Variants in ACACB observed in about 807,000 individuals in gnomAD.
ACACB encodes acetyl-CoA carboxylase 2.
Under a neutral mutation model 278.8 loss-of-function variants are expected in ACACB, and 209 were observed. The observed-to-expected ratio is 0.75, with a 90% CI of 0.67 to 0.84. The LOEUF is 0.84. Ranked by LOEUF, ACACB falls within the 40% of genes least tolerant of loss-of-function variation. ACACB has a pLI of 0.00. For synonymous variants in ACACB, 1,174 were observed against 1,285.6 expected, an observed-to-expected ratio of 0.91 and a Z score of 1.86; for missense variants, 2,850 against 3,269.0, an observed-to-expected ratio of 0.87 and a Z score of 3.13.
intron 2 of ACACB, among the ~76,000 whole-genome samples, chr12:109,166,181 T>C (rs2043888446): frequency 6.6e-6 from 1 of 152,142 alleles, no homozygotes; most frequent in Non-Finnish European, 1.5e-5. Context: ...ATTAATACCA[T>C]GTAACAAGTC....
chr12:109,217,996 G>A (rs1348920957), intron 24 of ACACB, among the ~76,000 whole-genome samples: 1 of 152,156 alleles, frequency 6.6e-6, no homozygotes, highest in East Asian at 1.9e-4. Flanking sequence ...ACAGCTCTTT[G>A]GCAGAGCACA....
chr12:109,231,975 G>A (rs558683040), intron 28 of ACACB, among the ~76,000 whole-genome samples: 8 of 152,328 alleles, frequency 5.3e-5, no homozygotes, highest in East Asian at 3.9e-4. Context: ...TTCAGGGAAC[G>A]ATAGGAACCT....
At chr12:109,256,036 T>C (rs935851459) in intron 44 of ACACB, 104 bp from the exon 45 acceptor site, 3 of 815,224 alleles carry the variant, frequency 3.7e-6, no homozygotes, top group Non-Finnish European at 6.1e-6. Flanking sequence ...GGCTATGAGG[T>C]TAAAGCCAGG....
chr12:109,264,035 C>T, intron 49 of ACACB, 197 bp from the exon 50 acceptor site: 1 of 628,804 alleles, frequency 1.6e-6, no homozygotes, highest in Non-Finnish European at 2.7e-6. Context: ...GGCCAGTGGA[C>T]TCTGGGGGAC....
At chr12:109,128,830 G>T (rs1345428450) in intron 1 of ACACB, among the ~76,000 whole-genome samples, 1 of 150,918 alleles carries the variant, frequency 6.6e-6, no homozygotes, top group African/African-American at 2.4e-5. Flanking sequence ...CTGAGACAGG[G>T]TCTCGCTATG....
At chr12:109,171,761 A>G in intron 4 of ACACB, 44 bp from the exon 5 acceptor site, 2 of 1,439,752 alleles carry the variant, frequency 1.4e-6, no homozygotes, top group Non-Finnish European at 2.0e-6. Flanking sequence ...CATTGATGTC[A>G]GTCTGTCAGC....
chr12:109,147,208 GA>G (rs927950388), intron 2 of ACACB, among the ~76,000 whole-genome samples: 3 of 151,714 alleles, frequency 2.0e-5, no homozygotes, highest in African/African-American at 7.3e-5. Context: ...ATTATTTCTT[GA>G]GATTATGTCT....
rs2045739822 is a variant in ACACB at position 109,210,244 on chromosome 12, T to TATGTAC, written c.3249+893_3249+894insGTACAT. Among the ~76,000 whole-genome samples, 9 of 31,954 alleles carry TATGTAC rather than the reference T, an allele frequency of 2.8e-4. 1 individual carries two copies. Among genetic ancestry groups the TATGTAC allele is most frequent in the Non-Finnish European group, 4.0e-4 (8 of 20,196 alleles). 21.0% of individuals were successfully genotyped at this position (31,954 alleles called of 152,430 possible). On this transcript the variant is annotated intron_variant, in intron 21 of 52. Transcript: ENST00000338432. ...ACATGTGTGTATATGTATATATGTA[T>TATGTAC]ATATACACACATGTGTGTATATGTA...
At chr12:109,266,107 TG>T in intron 52 of ACACB, 128 bp from the exon 53 acceptor site, 1 of 1,193,448 alleles carries the variant, frequency 8.4e-7, no homozygotes. Context: ...ATCACCCCCA[TG>T]GGGACCACAG....
At chr12:109,255,612 C>A (rs1429814475) in intron 44 of ACACB, among the ~76,000 whole-genome samples, 4 of 152,242 alleles carry the variant, frequency 2.6e-5, no homozygotes, top group African/African-American at 9.6e-5. Context: ...GCCATTTACG[C>A]TGTTGCATGG....
chr12:109,218,422 CTA>C (rs1244054080), intron 24 of ACACB, among the ~76,000 whole-genome samples: 1 of 152,110 alleles, frequency 6.6e-6, no homozygotes, highest in East Asian at 1.9e-4. Context: ...TGAGGTCTCA[CTA>C]TGTTTCCCAG....
chr12:109,118,969 G>T (rs550031267), intron 1 of ACACB, among the ~76,000 whole-genome samples: 3 of 152,140 alleles, frequency 2.0e-5, no homozygotes, highest in Non-Finnish European at 4.4e-5. Context: ...GGAATCCAGG[G>T]ATCCTTGTAT....
chr12:109,218,775 T>TC (rs1331119215), intron 24 of ACACB, among the ~76,000 whole-genome samples: 1 of 150,868 alleles, frequency 6.6e-6, no homozygotes. Flanking sequence ...ATCTATCTTT[T>TC]TTTTTTTTTT....
chr12:109,180,880 A>G (rs912505406), intron 11 of ACACB, among the ~76,000 whole-genome samples: 1 of 152,210 alleles, frequency 6.6e-6, no homozygotes, highest in African/African-American at 2.4e-5. Flanking sequence ...TGTTGACTGT[A>G]GTCACCCTGT....
rs1475567234 is a variant in ACACB at position 109,266,500 on chromosome 12, C to T, written c.*138C>T. Reference sequence around the variant, plus strand: ...GGCACTTCTGCAGGGCTGCTGGTTCCGAGCTGACACCCGTCTTAACAAAAG... The same window carrying T: ...GGCACTTCTGCAGGGCTGCTGGTTCTGAGCTGACACCCGTCTTAACAAAAG... On this transcript the variant is annotated 3_prime_UTR_variant, in exon 53 of 53. Coordinates refer to ENST00000338432, the MANE Select transcript of ACACB (RefSeq NM_001093.4). 49 of 1,107,460 alleles carry T rather than the reference C, an allele frequency of 4.4e-5. No individual in the cohort carries two copies. The highest frequency in any genetic ancestry group is 3.8e-4 in the Admixed American group (11 of 29,270). The allele number at this position is 1,107,460 out of a possible 1,614,324, so 68.6% of individuals were successfully genotyped here. A position where few individuals can be genotyped will look rare whatever the true frequency, so the allele number is the denominator to read the frequency against.
chr12:109,140,328 TTCCTTCCTTCCTTCCTTCCTTCCC>T (rs2043088869), intron 2 of ACACB, among the ~76,000 whole-genome samples: 1 of 139,950 alleles, frequency 7.1e-6, no homozygotes, highest in Non-Finnish European at 1.6e-5. Flanking sequence ...CCTTCCTTCC[TTCCTTCCTTCCTTCCTTCCTTCCC>T]TCCTTTCAAA....
At chr12:109,191,522 G>A (rs1026108949) in intron 13 of ACACB, 91 bp from the exon 14 acceptor site, 2 of 1,541,496 alleles carry the variant, frequency 1.3e-6, no homozygotes, top group Non-Finnish European at 1.8e-6. Flanking sequence ...CCACTCCTGT[G>A]CTTTTCCAGT....
upstream of ACACB, chr12:109,112,969 G>T (rs1394564648): frequency 6.6e-6 from 1 of 152,194 alleles, no homozygotes; most frequent in African/African-American, 2.4e-5. Context: ...ACAGGAACGG[G>T]CGAGGCTGTG....
At chr12:109,260,782 C>G (rs1170706770) in intron 48 of ACACB, 125 bp downstream of exon 48, 2 of 1,018,948 alleles carry the variant, frequency 2.0e-6, no homozygotes, top group Non-Finnish European at 2.7e-6. Flanking sequence ...GAAATGTTGT[C>G]TCTTCTTTCA....
Sources: allele counts gnomAD v4.1 joint callset (sites outside exome capture counted in the v4.1 genomes callset), GRCh38; gene constraint gnomAD v4.1.1; transcripts MANE v1.5; gene names NCBI Gene and HGNC (gene_info 2026-07-23, HGNC 2026-07-21).